Variants in INVS observed in about 807,000 individuals in gnomAD.
INVS encodes the protein inversin, also known as inversion of embryo turning homolog.
A neutral mutation model predicts 108.8 loss-of-function variants in INVS; 86 were observed. That is an observed-to-expected ratio of 0.79 (90% confidence interval 0.66 to 0.95). The LOEUF is 0.95. Ranked by LOEUF, INVS falls within the 40% of genes least tolerant of loss-of-function variation. INVS has a pLI of 0.00. For synonymous variants in INVS, 455 were observed against 473.5 expected (o/e 0.96, Z 0.51); for missense variants, 1,169 against 1,297.4 (o/e 0.90, Z 1.52).
intron 3 of INVS, among the ~76,000 whole-genome samples, chr9:100,144,634 G>A (rs1828543271): frequency 6.6e-6 from 1 of 152,138 alleles, no homozygotes; most frequent in South Asian, 2.1e-4. Context: ...AGGTAGGGGA[G>A]GGCTAGTCGC....
intron 10 of INVS, among the ~76,000 whole-genome samples, chr9:100,254,909 T>A (rs1236168827): frequency 6.6e-6 from 1 of 152,222 alleles, no homozygotes; most frequent in Non-Finnish European, 1.5e-5. Flanking sequence ...GGCTCTTTTT[T>A]GGTTCCATGT....
intron 3 of INVS, among the ~76,000 whole-genome samples, chr9:100,196,366 T>C (rs1588081084): frequency 6.6e-6 from 1 of 152,306 alleles, no homozygotes; most frequent in East Asian, 1.9e-4. Context: ...GGTGGGAGTT[T>C]CTGATAAACA....
intron 3 of INVS, among the ~76,000 whole-genome samples, chr9:100,203,407 T>G (rs1201069465): frequency 6.6e-6 from 1 of 152,140 alleles, no homozygotes; most frequent in Non-Finnish European, 1.5e-5. Context: ...GGCTAGGTAT[T>G]TAACAGCTCT....
intron 3 of INVS, among the ~76,000 whole-genome samples, chr9:100,148,123 A>C (rs977802430): frequency 9.9e-5 from 15 of 152,160 alleles, no homozygotes; most frequent in African/African-American, 3.6e-4. Flanking sequence ...GTAGTGAGCT[A>C]TGATTGTGCC....
intron 3 of INVS, among the ~76,000 whole-genome samples, chr9:100,209,053 A>G (rs569515182): frequency 1.2e-3 from 187 of 152,258 alleles, no homozygotes; most frequent in African/African-American, 4.4e-3. Flanking sequence ...TGGTTCCAAA[A>G]TCCATTCTCA....
chr9:100,186,513 T>C lies in INVS; in HGVS notation c.274-39549T>C, dbSNP rs547690828. Among the ~76,000 whole-genome samples, 17 of 152,230 alleles carry C rather than the reference T, an allele frequency of 1.1e-4. No homozygotes were observed. In the East Asian group the frequency reaches 3.3e-3, roughly 29 times the overall value. On this transcript the variant is annotated intron_variant, in intron 3 of 16. Transcript: ENST00000262457. ...TATAAAGTGTTCCCCTTTCACCCCATTCATGCCAACATCTCTTGTTTTTTG... is the reference window on the plus strand; with the variant it reads ...TATAAAGTGTTCCCCTTTCACCCCACTCATGCCAACATCTCTTGTTTTTTG...
intron 13 of INVS, among the ~76,000 whole-genome samples, chr9:100,288,772 T>C (rs564331171): frequency 1.3e-5 from 2 of 152,094 alleles, no homozygotes; most frequent in African/African-American, 2.4e-5. Flanking sequence ...AGGTGTGCGC[T>C]ACCATGCCTG....
intron 5 of INVS, among the ~76,000 whole-genome samples, chr9:100,234,191 G>A (rs1831605672): frequency 6.6e-6 from 1 of 152,134 alleles, no homozygotes; most frequent in Non-Finnish European, 1.5e-5. Flanking sequence ...ATGGTAGTTT[G>A]TATTTCTGTG....
At chr9:100,099,754 T>C (rs1826759518) in intron 1 of INVS, among the ~76,000 whole-genome samples, 1 of 152,108 alleles carries the variant, frequency 6.6e-6, no homozygotes, top group Non-Finnish European at 1.5e-5. Flanking sequence ...CCAGTATAAT[T>C]ACGAAATTCC....
intron 2 of INVS, among the ~76,000 whole-genome samples, chr9:100,118,206 T>TTTGTTG (rs960096902): frequency 2.0e-5 from 3 of 150,878 alleles, no homozygotes; most frequent in South Asian, 2.1e-4. Flanking sequence ...CCAGCCAATT[T>TTTGTTG]TTGTTGTTGT....
At chr9:100,138,942 G>A (rs546781591) in intron 3 of INVS, among the ~76,000 whole-genome samples, 1 of 152,184 alleles carries the variant, frequency 6.6e-6, no homozygotes, top group South Asian at 2.1e-4. Flanking sequence ...CTGACCTCAA[G>A]CAATCCACCT....
chr9:100,166,222 C>A (rs1052938668), intron 3 of INVS, among the ~76,000 whole-genome samples: 1 of 152,096 alleles, frequency 6.6e-6, no homozygotes, highest in Non-Finnish European at 1.5e-5. Context: ...AAAGTCTGTG[C>A]TTAAAGTCAT....
intron 3 of INVS, among the ~76,000 whole-genome samples, chr9:100,149,714 G>A (rs561678095): frequency 4.6e-4 from 70 of 152,196 alleles, no homozygotes; most frequent in African/African-American, 1.6e-3. Context: ...TGGGTAAAAT[G>A]TATAGTCACT....
Position 100,213,776 on chromosome 9 carries a change from C to T in INVS, c.274-12286C>T, listed in dbSNP as rs569714877. On this transcript the variant is annotated intron_variant, in intron 3 of 16. Coordinates refer to ENST00000262457, the MANE Select transcript of INVS (RefSeq NM_014425.5). ...GGTTTTCATCACAACTGAGGAACAC[C>T]GAACTTCAGGAATCTACCACTTTTA... 8.5e-5 allele frequency among the ~76,000 whole-genome samples: 13 copies of T among 152,206 alleles called. No homozygotes were observed. The South Asian group carries it at 2.3e-3, about 27-fold the overall frequency.
At chr9:100,255,313 G>A (rs1178357922) in intron 10 of INVS, among the ~76,000 whole-genome samples, 7 of 148,788 alleles carry the variant, frequency 4.7e-5, no homozygotes, top group South Asian at 4.2e-4. Flanking sequence ...GGAGATTTTC[G>A]GCTGAGACAA....
At chr9:100,122,020 C>G (rs1018359930) in intron 2 of INVS, among the ~76,000 whole-genome samples, 6 of 152,170 alleles carry the variant, frequency 3.9e-5, no homozygotes, top group Non-Finnish European at 8.8e-5. Flanking sequence ...TTTAATTACA[C>G]TGTCATCTGA....
At chr9:100,116,567 G>A (rs187506509) in intron 2 of INVS, among the ~76,000 whole-genome samples, 75 of 151,932 alleles carry the variant, frequency 4.9e-4, no homozygotes, top group African/African-American at 1.7e-3. Context: ...TCTTTATTTG[G>A]ATGAAATCTA....
chr9:100,289,879 T>C (rs1189620856), intron 13 of INVS, among the ~76,000 whole-genome samples: 1 of 152,212 alleles, frequency 6.6e-6, no homozygotes, highest in African/African-American at 2.4e-5. Flanking sequence ...TGAGTAAATA[T>C]AAAGGAGTGT....
chr9:100,265,064 TC>T, intron 11 of INVS, 136 bp downstream of exon 11: 1 of 683,430 alleles, frequency 1.5e-6, no homozygotes, highest in Non-Finnish European at 2.6e-6. Flanking sequence ...TCCTTCAGCC[TC>T]CTGAGTACCT....
Sources: allele counts gnomAD v4.1 joint callset (sites outside exome capture counted in the v4.1 genomes callset), GRCh38; gene constraint gnomAD v4.1.1; transcripts MANE v1.5; gene names NCBI Gene and HGNC (gene_info 2026-07-23, HGNC 2026-07-21).